Variants in GRID2 observed in about 807,000 individuals in gnomAD.
The protein encoded by GRID2 is glutamate receptor ionotropic, delta-2.
GRID2 carries 33 observed loss-of-function variants against 114.8 expected under a neutral mutation model. That is an observed-to-expected ratio of 0.29 (90% CI 0.22 to 0.38). The LOEUF (loss-of-function observed/expected upper bound fraction) is 0.38, where lower values mean the gene tolerates loss of function less well. Among genes scored for constraint, GRID2 ranks in the 10% least tolerant of loss-of-function variants. GRID2 has a pLI of 1.00. For missense variants in GRID2, 1,184 were observed against 1,257.7 expected, an observed-to-expected ratio of 0.94 and a Z score of 0.89; for synonymous variants, 505 against 449.9, an observed-to-expected ratio of 1.12 and a Z score of -1.55.
At chr4:93,748,090 A>G (rs1732004207) in intron 14 of GRID2, among the ~76,000 whole-genome samples, 1 of 152,164 alleles carries the variant, frequency 6.6e-6, no homozygotes, top group African/African-American at 2.4e-5. Context: ...AAGTGTTATG[A>G]CCCAAAGCAT....
At chr4:92,710,778 A>G (rs1236252495) in intron 2 of GRID2, among the ~76,000 whole-genome samples, 2 of 152,196 alleles carry the variant, frequency 1.3e-5, no homozygotes, top group African/African-American at 4.8e-5. Context: ...TAAGTAAATA[A>G]GAGTAACCTT....
rs918451651 is a variant in GRID2 at position 92,873,744 on chromosome 4, C to T, written c.245-211251C>T. ...TTTGTTTTGTTTTGAGATGGAATTTCGCTTTTGTTGCCCAGGCTGGAGTGC... is the reference window on the plus strand; with the variant it reads ...TTTGTTTTGTTTTGAGATGGAATTTTGCTTTTGTTGCCCAGGCTGGAGTGC... On this transcript the variant is annotated intron_variant, in intron 2 of 15. Transcript: ENST00000282020. Among the ~76,000 whole-genome samples, 16 of 152,078 alleles carry T rather than the reference C, an allele frequency of 1.1e-4. 1 individual carries two copies. Among genetic ancestry groups the T allele is most frequent in the African/African-American group, 3.6e-4 (15 of 41,496 alleles).
chr4:92,375,445 C>T (rs766198368), intron 1 of GRID2, among the ~76,000 whole-genome samples: 1 of 152,010 alleles, frequency 6.6e-6, no homozygotes, highest in Non-Finnish European at 1.5e-5. Flanking sequence ...ATAGTATCCT[C>T]TACAAAAACA....
At chr4:92,446,511 A>G (rs1334106572) in intron 1 of GRID2, among the ~76,000 whole-genome samples, 2 of 152,204 alleles carry the variant, frequency 1.3e-5, no homozygotes, top group African/African-American at 2.4e-5. Context: ...TGGCTCTCCT[A>G]TGAGGCTCAT....
intron 2 of GRID2, among the ~76,000 whole-genome samples, chr4:92,654,659 T>C (rs1419629208): frequency 6.6e-6 from 1 of 151,908 alleles, no homozygotes; most frequent in East Asian, 1.9e-4. Flanking sequence ...CCCTGATGAT[T>C]AACAATGTTA....
intron 4 of GRID2, among the ~76,000 whole-genome samples, chr4:93,151,896 CTTAAT>C (rs1032709263): frequency 1.3e-5 from 2 of 151,926 alleles, no homozygotes; most frequent in Admixed American, 1.3e-4. Flanking sequence ...TTCTGAAATT[CTTAAT>C]TTAAATTTAA....
intron 1 of GRID2, among the ~76,000 whole-genome samples, chr4:92,412,514 CTCT>C (rs1183091212): frequency 3.3e-5 from 5 of 151,782 alleles, no homozygotes; most frequent in East Asian, 1.9e-4. Context: ...ATATTTTTCC[CTCT>C]TCTTTAACCT....
intron 2 of GRID2, among the ~76,000 whole-genome samples, chr4:92,871,598 G>C (rs1745284739): frequency 6.6e-6 from 1 of 152,172 alleles, no homozygotes; most frequent in Non-Finnish European, 1.5e-5. Flanking sequence ...ACACTCATGA[G>C]TCAAGGAGCA....
At chr4:92,921,123 T>C (rs1475135891) in intron 2 of GRID2, among the ~76,000 whole-genome samples, 1 of 152,184 alleles carries the variant, frequency 6.6e-6, no homozygotes, top group African/African-American at 2.4e-5. Context: ...TGATACCCTT[T>C]CTTCCAGTTG....
At chr4:93,583,741 G>A (rs1578316419) in intron 13 of GRID2, among the ~76,000 whole-genome samples, 1 of 152,024 alleles carries the variant, frequency 6.6e-6, no homozygotes. Context: ...TTCTGTCCAA[G>A]GCCGTTCCTC....
At chr4:93,032,717 A>C (rs1323274994) in intron 2 of GRID2, among the ~76,000 whole-genome samples, 2 of 152,180 alleles carry the variant, frequency 1.3e-5, no homozygotes, top group African/African-American at 4.8e-5. Flanking sequence ...CAGATGTCTA[A>C]AGAAGAAAAC....
In GRID2 at chr4:92,816,220, C is replaced by T. The variant is rs541455284; in HGVS notation, c.244+225934C>T. On this transcript the variant is annotated intron_variant, in intron 2 of 15. Transcript: ENST00000282020. ...ATCCCAGCTACTCGGGAGGCTGAGGCAGGAGAATCACTTGAACCTGGGAGG... is the reference window on the plus strand; with the variant it reads ...ATCCCAGCTACTCGGGAGGCTGAGGTAGGAGAATCACTTGAACCTGGGAGG... Among the ~76,000 whole-genome samples the T allele has an allele frequency of 2.0e-5, 3 of 146,498 alleles. 1 individual carries two copies. The Admixed American group carries it at 2.1e-4, about 10-fold the overall frequency.
chr4:93,554,112 C>A (rs1734063857), intron 13 of GRID2, among the ~76,000 whole-genome samples: 2 of 152,192 alleles, frequency 1.3e-5, no homozygotes, highest in East Asian at 1.9e-4. Flanking sequence ...ACCTTGAAAC[C>A]ATTTTGGTCT....
rs116605508 is a variant in GRID2, at chr4:92,525,994, C to T, written c.89-64137C>T. 1.4e-3 allele frequency among the ~76,000 whole-genome samples: 216 copies of T among 152,086 alleles called. 1 individual carries two copies. Among genetic ancestry groups the T allele is most frequent in the Non-Finnish European group, 2.3e-3 (153 of 67,976 alleles). On this transcript the variant is annotated intron_variant, in intron 1 of 15. Transcript: ENST00000282020. The stretch of plus-strand genomic sequence containing the variant: ...CGCTCTCTATATATTTATACTACCA[C>T]GGATGAAAACAGAGGTTCTATGGTT...
At chr4:92,838,582 T>C (rs1742643277) in intron 2 of GRID2, among the ~76,000 whole-genome samples, 3 of 152,146 alleles carry the variant, frequency 2.0e-5, no homozygotes, top group Admixed American at 2.0e-4. Context: ...TCTGCTATAA[T>C]TTGAAACCAA....
intron 2 of GRID2, among the ~76,000 whole-genome samples, chr4:92,671,576 T>G (rs1223709946): frequency 2.0e-5 from 3 of 152,052 alleles, no homozygotes; most frequent in Non-Finnish European, 4.4e-5. Context: ...TTTTCCTCCT[T>G]TGGCCTTTGA....
chr4:92,786,739 T>C (rs1337483304), intron 2 of GRID2, among the ~76,000 whole-genome samples: 1 of 151,934 alleles, frequency 6.6e-6, no homozygotes, highest in African/African-American at 2.4e-5. Context: ...CATTATTACT[T>C]ACTCTGAAGA....
intron 1 of GRID2, among the ~76,000 whole-genome samples, chr4:92,309,413 G>A (rs1422093893): frequency 1.3e-5 from 2 of 151,786 alleles, no homozygotes; most frequent in Non-Finnish European, 2.9e-5. Context: ...ATATTGGTGA[G>A]TAGCAATACT....
intron 1 of GRID2, among the ~76,000 whole-genome samples, chr4:92,449,673 A>AT (rs1720784160): frequency 9.5e-6 from 1 of 105,214 alleles, no homozygotes; most frequent in South Asian, 3.2e-4. Flanking sequence ...ATCTTTTCTT[A>AT]CTGATATATA....
Sources: allele counts gnomAD v4.1 joint callset (sites outside exome capture counted in the v4.1 genomes callset), GRCh38; gene constraint gnomAD v4.1.1; transcripts MANE v1.5; gene names NCBI Gene and HGNC (gene_info 2026-07-23, HGNC 2026-07-21).